Variants in NRXN1 observed in about 807,000 individuals in gnomAD.
The protein encoded by NRXN1 is neurexin 1.
A neutral mutation model predicts 150.9 loss-of-function variants in NRXN1; 39 were observed. The ratio of observed to expected loss-of-function variants is 0.26; its 90% CI spans 0.20 to 0.34. The LOEUF (loss-of-function observed/expected upper bound fraction) is 0.34. Among genes scored for constraint, NRXN1 ranks in the 10% least tolerant of loss-of-function variants. The probability of loss-of-function intolerance (pLI) is 1.00; values close to 1 mark genes in which losing one functional copy is unlikely to be tolerated. For missense variants in NRXN1, 1,815 were observed against 1,949.9 expected, an observed-to-expected ratio of 0.93 and a Z score of 1.30; for synonymous variants, 924 against 757.0, an observed-to-expected ratio of 1.22 and a Z score of -3.62.
intron 2 of NRXN1, among the ~76,000 whole-genome samples, chr2:51,004,591 C>T (rs77851517): frequency 0.023 from 3,498 of 151,834 alleles, 153 homozygotes; most frequent in African/African-American, 0.08. Context: ...TGCAGTGAGC[C>T]GAGATCATGT....
chr2:50,825,335 C>T (rs544974574), intron 5 of NRXN1, among the ~76,000 whole-genome samples: 1 of 152,164 alleles, frequency 6.6e-6, no homozygotes, highest in African/African-American at 2.4e-5. Context: ...CTGGCAGCCT[C>T]TAGATAGCTT....
At chr2:50,025,632 G>A (rs1192516275) in intron 21 of NRXN1, among the ~76,000 whole-genome samples, 2 of 152,138 alleles carry the variant, frequency 1.3e-5, no homozygotes, top group Non-Finnish European at 2.9e-5. Flanking sequence ...ATGCTTTGGG[G>A]TATCTACATT....
chr2:50,189,519 A>T (rs751393158), intron 18 of NRXN1, among the ~76,000 whole-genome samples: 9 of 152,172 alleles, frequency 5.9e-5, no homozygotes, highest in East Asian at 3.8e-4. Flanking sequence ...TATAATAATT[A>T]AAAAAGTGGT....
At chr2:50,916,473 T>A (rs1685229937) in intron 5 of NRXN1, among the ~76,000 whole-genome samples, 1 of 150,542 alleles carries the variant, frequency 6.6e-6, no homozygotes, top group South Asian at 2.1e-4. Flanking sequence ...GTGTTGATGG[T>A]TGTTAAAAAT....
intron 18 of NRXN1, among the ~76,000 whole-genome samples, chr2:50,098,848 T>TGGC (rs1558874685): frequency 1.1e-3 from 20 of 17,604 alleles, no homozygotes; most frequent in Non-Finnish European, 1.9e-3. Flanking sequence ...TTTTTTTTTT[T>TGGC]TTTTTTTTTT....
chr2:50,107,503 TG>T (rs1701817271), intron 18 of NRXN1, among the ~76,000 whole-genome samples: 1 of 144,374 alleles, frequency 6.9e-6, no homozygotes, highest in African/African-American at 2.6e-5. Context: ...TATTGTCACA[TG>T]CTACATTCCA....
In NRXN1 at chr2:50,054,962, G is replaced by A. The variant is rs1020734831; in HGVS notation, c.3801C>T (p.Leu1267=). The A allele has an allele frequency of 5.8e-6, 9 of 1,562,168 alleles. No individual in the cohort carries two copies. Among genetic ancestry groups the A allele is most frequent in the African/African-American group, 1.4e-5 (1 of 72,676 alleles). ...RLGRVVDEWL[L]DKGRQLTIFN... The stretch of plus-strand genomic sequence containing the variant: ...TTAATCAATGTTTTTTACCTTTGTC[G>A]AGTAGCCATTCATCAACTACTCGAC... The change falls in exon 20 of 23, where the codon CTC becomes CTT. Residue 1267 remains leucine, a synonymous_variant. Transcript: ENST00000401669.
intron 5 of NRXN1, among the ~76,000 whole-genome samples, chr2:50,689,204 A>C (rs1691701555): frequency 6.6e-6 from 1 of 152,200 alleles, no homozygotes. Context: ...CTGGAGAGAC[A>C]CAAGAAAACT....
chr2:50,042,454 T>G (rs1691139047), intron 21 of NRXN1, among the ~76,000 whole-genome samples: 1 of 152,186 alleles, frequency 6.6e-6, no homozygotes, highest in African/African-American at 2.4e-5. Context: ...GATTGTAAGT[T>G]TCCTGAGGCC....
intron 17 of NRXN1, among the ~76,000 whole-genome samples, chr2:50,304,670 C>T (rs1026998031): frequency 6.8e-6 from 1 of 146,626 alleles, no homozygotes; most frequent in South Asian, 2.3e-4. Flanking sequence ...TTTTTTGTTC[C>T]TCTAAATTTA....
At chr2:50,521,655 A>G (rs549785166) in intron 12 of NRXN1, among the ~76,000 whole-genome samples, 1 of 152,316 alleles carries the variant, frequency 6.6e-6, no homozygotes, top group African/African-American at 2.4e-5. Flanking sequence ...CATGTTAGCC[A>G]GTAATCTGTT....
At chr2:49,981,047 G>C (rs1679906334) in intron 21 of NRXN1, among the ~76,000 whole-genome samples, 1 of 152,054 alleles carries the variant, frequency 6.6e-6, no homozygotes, top group South Asian at 2.1e-4. Flanking sequence ...GAAAGCTTAA[G>C]GTCAAAGATT....
intron 18 of NRXN1, among the ~76,000 whole-genome samples, chr2:50,206,328 T>G (rs1432695510): frequency 6.6e-6 from 1 of 151,914 alleles, no homozygotes; most frequent in Non-Finnish European, 1.5e-5. Flanking sequence ...TAAACAAAAG[T>G]ATTCACGAGG....
At chr2:50,893,686 A>G (rs1681447904) in intron 5 of NRXN1, among the ~76,000 whole-genome samples, 1 of 152,196 alleles carries the variant, frequency 6.6e-6, no homozygotes, top group African/African-American at 2.4e-5. Context: ...TACAGTCAGC[A>G]TATACATTCA....
chr2:50,287,596 G>C (rs1257387344), intron 17 of NRXN1, among the ~76,000 whole-genome samples: 3 of 151,968 alleles, frequency 2.0e-5, no homozygotes, highest in Non-Finnish European at 4.4e-5. Flanking sequence ...CTCTCAAGAT[G>C]TTTGCTTTCT....
At chr2:50,810,740 G>T (rs1216636850) in intron 5 of NRXN1, among the ~76,000 whole-genome samples, 1 of 152,148 alleles carries the variant, frequency 6.6e-6, no homozygotes, top group Non-Finnish European at 1.5e-5. Flanking sequence ...CCAGCACTTT[G>T]GGAGGACTAG....
chr2:50,306,183 G>A (rs1202922129), intron 17 of NRXN1, among the ~76,000 whole-genome samples: 1 of 152,098 alleles, frequency 6.6e-6, no homozygotes, highest in Admixed American at 6.6e-5. Context: ...CTGAAAATGG[G>A]ACACCCTAAA....
rs369326827 is a variant in NRXN1 at position 50,509,404 on chromosome 2, A to G, written c.2375-2787T>C. ...CAAATCTCTAAGTAATACAATGTCTATCTAGGGATGCTGAAATGACTGTTC... is the reference window on the plus strand; with the variant it reads ...CAAATCTCTAAGTAATACAATGTCTGTCTAGGGATGCTGAAATGACTGTTC... On this transcript the variant is annotated intron_variant, in intron 12 of 22. Transcript: ENST00000401669. Among the ~76,000 whole-genome samples the G allele has an allele frequency of 5.6e-4, 86 of 152,308 alleles. 3 individuals carry two copies. The South Asian group carries it at 0.017, about 29-fold the overall frequency.
At chr2:50,298,828 A>G (rs948176271) in intron 17 of NRXN1, among the ~76,000 whole-genome samples, 5 of 152,122 alleles carry the variant, frequency 3.3e-5, no homozygotes, top group African/African-American at 1.2e-4. Context: ...AGATTCTTAA[A>G]ACAGATTTTT....
Sources: gnomAD v4.1 joint callset for allele counts (sites outside exome capture counted in the v4.1 genomes callset) on GRCh38, gnomAD v4.1.1 for gene constraint, MANE v1.5 for transcripts, NCBI Gene and HGNC (gene_info 2026-07-23, HGNC 2026-07-21) for gene names.